LRRC43: variants seen among roughly 807,000 people sequenced by gnomAD.
LRRC43 encodes leucine rich repeat containing 43.
Under a neutral mutation model 64.3 loss-of-function variants are expected in LRRC43, and 62 were observed. The ratio of observed to expected loss-of-function variants is 0.96; its 90% CI spans 0.79 to 1.19. LRRC43 has a LOEUF of 1.19. Ranked by LOEUF, LRRC43 falls within the 50% of genes most tolerant of loss-of-function variation. The probability of loss-of-function intolerance (pLI) is 0.00; values close to 1 mark genes in which losing one functional copy is unlikely to be tolerated. For missense variants in LRRC43, 868 were observed against 845.0 expected, an observed-to-expected ratio of 1.03 and a Z score of -0.34; for synonymous variants, 422 against 382.3, an observed-to-expected ratio of 1.10 and a Z score of -1.21.
At position 122,190,302 on chromosome 12, in the gene LRRC43, G is replaced by T. The variant is rs767637298; in HGVS notation, c.835G>T (p.Val279Leu). 6.2e-7 allele frequency: 1 copy of T among 1,614,146 alleles called. No homozygotes were observed. The highest frequency in any genetic ancestry group is 8.5e-7 in the Non-Finnish European group (1 of 1,180,028). The change falls in exon 5 of 12, where the codon GTG becomes TTG. Residue 279 changes from valine (V) to leucine (L), a missense_variant. Transcript: ENST00000339777. Reference sequence around the variant, plus strand: ...CATCGACAGCCTGGCCCAGCTCTGCGTGCTGGACGACATCACCGTGTCTCC... The same window carrying T: ...CATCGACAGCCTGGCCCAGCTCTGCTTGCTGGACGACATCACCGTGTCTCC... ...LTIDSLAQLCVLDDITVSPNE... is the reference protein window; with the variant it reads ...LTIDSLAQLCLLDDITVSPNE...
At chr12:122,181,566 G>A (rs1367210585), upstream of LRRC43, among the ~76,000 whole-genome samples, 4 of 149,884 alleles carry the variant, frequency 2.7e-5, no homozygotes, top group Non-Finnish European at 5.9e-5. Context: ...GGAAAAGAAA[G>A]GACATATGGT....
rs953302265 is a variant in LRRC43, at chr12:122,192,659, G to C, written c.1090-86G>C. ...CATGCGTGAACCTCATCCAGATGTC[G>C]GGAGCTGTGTTACAGACACCCCCGG... On this transcript the variant is annotated intron_variant, in intron 6 of 11. Transcript: ENST00000339777. 2.0e-5 allele frequency: 29 copies of C among 1,484,816 alleles called. No individual in the cohort carries two copies. The Middle Eastern group carries it at 6.1e-4, about 31-fold the overall frequency. 92.0% of individuals were successfully genotyped at this position (1,484,816 alleles called of 1,614,324 possible).
At chr12:122,179,912 G>A (rs182875297), upstream of LRRC43, among the ~76,000 whole-genome samples, 12 of 148,842 alleles carry the variant, frequency 8.1e-5, no homozygotes, top group East Asian at 2.0e-4. Flanking sequence ...TGGAGGTTGC[G>A]GTGAGCCGAG....
intron 7 of LRRC43, among the ~76,000 whole-genome samples, chr12:122,195,153 T>C (rs1182201311): frequency 6.6e-6 from 1 of 152,194 alleles, no homozygotes; most frequent in East Asian, 1.9e-4. Flanking sequence ...TCTCTTCATA[T>C]GTCTTTATTT....
upstream of LRRC43, among the ~76,000 whole-genome samples, chr12:122,178,900 C>A (rs1953559636): frequency 6.6e-6 from 1 of 152,044 alleles, no homozygotes; most frequent in Admixed American, 6.6e-5. Context: ...AGCCATGGTG[C>A]CTGGCCAGGG....
chr12:122,191,687 C>T lies in LRRC43; in HGVS notation c.1089+120C>T, dbSNP rs902524449. The T allele has an allele frequency of 5.0e-5, 39 of 783,258 alleles. No individual in the cohort carries two copies. In the Admixed American group the frequency reaches 7.4e-4, roughly 15 times the overall value. 48.5% of individuals were successfully genotyped at this position (783,258 alleles called of 1,614,324 possible). ...ATTTATTTATTGAGGAGGAGTCTCGCTCTGTCACCCAGGCTGGAGTGCGAT... is the reference window on the plus strand; with the variant it reads ...ATTTATTTATTGAGGAGGAGTCTCGTTCTGTCACCCAGGCTGGAGTGCGAT... On this transcript the variant is annotated intron_variant, in intron 6 of 11. Transcript: ENST00000339777.
chr12:122,199,976 C>G (rs1953816081), intron 7 of LRRC43, among the ~76,000 whole-genome samples: 1 of 152,200 alleles, frequency 6.6e-6, no homozygotes, highest in Non-Finnish European at 1.5e-5. Context: ...GAGGGCTCCA[C>G]TTGCCTTTCT....
upstream of LRRC43, among the ~76,000 whole-genome samples, chr12:122,181,611 T>A (rs1297882942): frequency 3.9e-4 from 5 of 12,778 alleles, no homozygotes; most frequent in Non-Finnish European, 6.9e-4. Flanking sequence ...TTTGGATAAA[T>A]TTTTTTTTTT....
intron 7 of LRRC43, among the ~76,000 whole-genome samples, chr12:122,193,245 G>T (rs1202330450): frequency 6.6e-6 from 1 of 151,894 alleles, no homozygotes; most frequent in Non-Finnish European, 1.5e-5. Context: ...GCCAGGCGTG[G>T]TGGCAGGCGC....
chr12:122,175,154 T>TTTTCTTTCTTTCTTTC (rs536364664), intron 1 of LRRC43, among the ~76,000 whole-genome samples: 19 of 150,996 alleles, frequency 1.3e-4, no homozygotes, highest in African/African-American at 4.2e-4. Context: ...ACTTTATTGC[T>TTTTCTTTCTTTCTTTC]TTTCTTTCTT....
At chr12:122,170,163 G>A (rs1023857961) in intron 1 of LRRC43, among the ~76,000 whole-genome samples, 2 of 152,136 alleles carry the variant, frequency 1.3e-5, no homozygotes, top group African/African-American at 4.8e-5. Context: ...TCTTTGAAAG[G>A]ACATAGGTCA....
upstream of LRRC43, among the ~76,000 whole-genome samples, chr12:122,178,906 C>T (rs1485351049): frequency 2.0e-5 from 3 of 151,994 alleles, no homozygotes; most frequent in Non-Finnish European, 4.4e-5. Context: ...GGTGCCTGGC[C>T]AGGGTGGTGT....
chr12:122,176,310 G>T (rs1219158159), intron 1 of LRRC43, among the ~76,000 whole-genome samples: 1 of 152,138 alleles, frequency 6.6e-6, no homozygotes, highest in Non-Finnish European at 1.5e-5. Context: ...GCTCGATGCT[G>T]TTCCTAGAAC....
rs376552948 is a variant in LRRC43, at chr12:122,190,352, G to A, written c.885G>A (p.Gly295=). 4 of 1,613,706 alleles carry A rather than the reference G, an allele frequency of 2.5e-6. No homozygotes were observed. Among genetic ancestry groups the A allele is most frequent in the Admixed American group, 1.7e-5 (1 of 60,028 alleles). ...CCAATGAGAAGCATCTCTTCCGGGG[G>A]CTCAGCCTCAATGGCGGTGAGGGTA... ...VSPNEKHLFR[G]LSLNGDLLAQ... is the part of the protein sequence containing the mutation. The change falls in exon 5 of 12, where the codon GGG becomes GGA. Residue 295 remains glycine, a synonymous_variant. Transcript: ENST00000339777.
Position 122,183,173 on chromosome 12 carries a change from A to T in LRRC43, c.29A>T (p.Glu10Val). Reference protein sequence around the residue: MEASYESESESESEAGPGTQ... With the variant: MEASYESESVSESEAGPGTQ... The stretch of plus-strand genomic sequence containing the variant: ...GAGGCGTCGTACGAGTCCGAGTCCG[A>T]GTCCGAGTCTGAGGCCGGGCCTGGG... The change falls in exon 1 of 12, where the codon GAG (glutamate) becomes GTG (valine). Residue 10 changes from glutamate to valine, a missense_variant. By Grantham distance (121) the Glu-to-Val change is moderately radical. Transcript: ENST00000339777. 6.4e-7 allele frequency: 1 copy of T among 1,555,418 alleles called. No individual in the cohort carries two copies. Among genetic ancestry groups the T allele is most frequent in the Non-Finnish European group, 8.6e-7 (1 of 1,157,826 alleles).
At chr12:122,172,322 A>G (rs1262191011) in intron 1 of LRRC43, 3 of 924,628 alleles carry the variant, frequency 3.2e-6, no homozygotes, top group Non-Finnish European at 5.0e-6. Flanking sequence ...AAATGTACTT[A>G]AGGAATCACG....
In LRRC43 at chr12:122,190,219, G is replaced by A. The variant is rs369998737; in HGVS notation, c.752G>A (p.Arg251Gln). Residue 251 changes from arginine (R) to glutamine (Q), a missense_variant, in exon 5 of 12, where the codon CGA becomes CAA. Transcript: ENST00000339777. The stretch of plus-strand genomic sequence containing the variant: ...AGCCTGAGGACCCTCCGGCACCTGC[G>A]ACTCCTGGTGCTGCAGGGAAACCCA... ...VTSLRTLRHLRLLVLQGNPLA... is the reference protein window; with the variant it reads ...VTSLRTLRHLQLLVLQGNPLA... 1.2e-5 allele frequency: 20 copies of A among 1,613,950 alleles called. No individual in the cohort carries two copies. The highest frequency in any genetic ancestry group is 4.0e-5 in the African/African-American group (3 of 74,906).
intron 1 of LRRC43, 40 bp downstream of exon 1, chr12:122,183,334 G>C: frequency 7.1e-7 from 1 of 1,409,728 alleles, no homozygotes; most frequent in Non-Finnish European, 9.1e-7. Context: ...GCCTGGACCG[G>C]CTGCGGGGAG....
chr12:122,182,157 G>A (rs1341807159), upstream of LRRC43, among the ~76,000 whole-genome samples: 1 of 151,920 alleles, frequency 6.6e-6, no homozygotes, highest in Non-Finnish European at 1.5e-5. Flanking sequence ...GGAGGCTGAG[G>A]CCAGTGGATT....
Sources: gnomAD v4.1 joint callset for allele counts (sites outside exome capture counted in the v4.1 genomes callset) on GRCh38, gnomAD v4.1.1 for gene constraint, MANE v1.5 for transcripts, NCBI Gene and HGNC (gene_info 2026-07-23, HGNC 2026-07-21) for gene names.